The following MITF variants were observed in gnomAD, a reference collection of about 807,000 sequenced individuals.
The protein encoded by MITF is melanocyte inducing transcription factor.
MITF carries 17 observed loss-of-function variants against 60.5 expected under a neutral mutation model. That is an observed-to-expected ratio of 0.28 (90% CI 0.19 to 0.42). The LOEUF (loss-of-function observed/expected upper bound fraction) is 0.42, where lower values mean the gene tolerates loss of function less well. Among genes scored for constraint, MITF ranks in the 10% least tolerant of loss-of-function variants. The pLI is 1.00. For missense variants in MITF, 622 were observed against 683.5 expected (o/e 0.91, Z 1.00); for synonymous variants, 260 against 248.5 (o/e 1.05, Z -0.43).
intron 1 of MITF, among the ~76,000 whole-genome samples, chr3:69,825,188 A>G (rs1298449459): frequency 1.3e-5 from 2 of 152,172 alleles, no homozygotes; most frequent in Admixed American, 6.5e-5. Context: ...GGTCCCATCA[A>G]TAGTATTATG....
intron 7 of MITF, among the ~76,000 whole-genome samples, chr3:69,953,318 T>C (rs1474777655): frequency 6.6e-6 from 1 of 152,084 alleles, no homozygotes; most frequent in East Asian, 1.9e-4. Flanking sequence ...TCAAAAACAA[T>C]AGATACCTGT....
At chr3:69,826,026 T>A (rs2063348761) in intron 1 of MITF, among the ~76,000 whole-genome samples, 1 of 152,218 alleles carries the variant, frequency 6.6e-6, no homozygotes, top group African/African-American at 2.4e-5. Flanking sequence ...TGCAGGTGCA[T>A]CTTTTTAAAA....
At chr3:69,909,258 C>G (rs539970376) in intron 2 of MITF, among the ~76,000 whole-genome samples, 1 of 152,150 alleles carries the variant, frequency 6.6e-6, no homozygotes, top group South Asian at 2.1e-4. Flanking sequence ...CTTGCCACCA[C>G]CATATAAGTG....
chr3:69,848,951 A>G (rs1300889024), intron 1 of MITF, among the ~76,000 whole-genome samples: 1 of 139,058 alleles, frequency 7.2e-6, no homozygotes. Context: ...TTGGGCAAAG[A>G]TTCTTCTTTT....
chr3:69,853,861 G>A (rs572370916), intron 1 of MITF, among the ~76,000 whole-genome samples: 14 of 145,546 alleles, frequency 9.6e-5, no homozygotes, highest in African/African-American at 3.0e-4. Context: ...GATCTCTTTC[G>A]TCTTTTTTTT....
At chr3:69,900,767 G>A (rs950114354) in intron 2 of MITF, among the ~76,000 whole-genome samples, 2 of 152,150 alleles carry the variant, frequency 1.3e-5, no homozygotes, top group Non-Finnish European at 2.9e-5. Context: ...AATAAAGGAT[G>A]AGGAGCAATG....
At chr3:69,963,837 C>T (rs2066611706) in intron 9 of MITF, among the ~76,000 whole-genome samples, 1 of 152,156 alleles carries the variant, frequency 6.6e-6, no homozygotes, top group African/African-American at 2.4e-5. Flanking sequence ...TGCCATTGCC[C>T]TTGAAATGTT....
chr3:69,915,875 A>G (rs2065322960), intron 2 of MITF, among the ~76,000 whole-genome samples: 1 of 152,140 alleles, frequency 6.6e-6, no homozygotes, highest in Admixed American at 6.6e-5. Context: ...ACCTGAGTCC[A>G]GTGCAGAACA....
chr3:69,929,607 T>C (rs1177097368), intron 2 of MITF, among the ~76,000 whole-genome samples: 4 of 152,158 alleles, frequency 2.6e-5, no homozygotes, highest in East Asian at 1.9e-4. Context: ...TGTTTTTTTT[T>C]CTCAGAAATA....
At chr3:69,837,895 C>T (rs1221552018) in intron 1 of MITF, among the ~76,000 whole-genome samples, 1 of 152,176 alleles carries the variant, frequency 6.6e-6, no homozygotes, top group African/African-American at 2.4e-5. Context: ...CAAGACTCAT[C>T]AGTCCCCAAG....
At chr3:69,865,522 T>C (rs2064096590) in intron 1 of MITF, among the ~76,000 whole-genome samples, 1 of 152,240 alleles carries the variant, frequency 6.6e-6, no homozygotes, top group African/African-American at 2.4e-5. Flanking sequence ...TTTTTCTTCT[T>C]GTATACCAAT....
intron 7 of MITF, among the ~76,000 whole-genome samples, chr3:69,953,993 G>C (rs1010222822): frequency 6.6e-6 from 1 of 152,018 alleles, no homozygotes; most frequent in Non-Finnish European, 1.5e-5. Flanking sequence ...ATTTGCCCAG[G>C]CATATAGATG....
At position 69,878,874 on chromosome 3, in the gene MITF, T is replaced by TA. The variant is rs959428579; in HGVS notation, c.105-247dup. ...GATGAGTAGTGTGCAGCATAAAATG[T>TA]AAAAAAAAAAAAATTAAAAAAATTA... is the stretch of plus-strand genomic sequence containing the variant. On this transcript the variant is annotated intron_variant, in intron 1 of 9. Coordinates refer to ENST00000352241, the MANE Select transcript of MITF (RefSeq NM_001354604.2). Among the ~76,000 whole-genome samples the TA allele has an allele frequency of 8.4e-3, 1,208 of 143,224 alleles. 16 individuals are homozygous for TA. Among genetic ancestry groups the TA allele is most frequent in the African/African-American group, 0.026 (1,010 of 39,288 alleles). The allele number at this position is 143,224 out of a possible 152,430, so 94.0% of individuals were successfully genotyped here.
intron 2 of MITF, among the ~76,000 whole-genome samples, chr3:69,934,975 T>G (rs2065800621): frequency 1.3e-5 from 2 of 152,148 alleles, no homozygotes; most frequent in South Asian, 4.1e-4. Flanking sequence ...TTTGGAGATT[T>G]TGAGCTAGGC....
chr3:69,857,143 T>A (rs1157635000), intron 1 of MITF, among the ~76,000 whole-genome samples: 2 of 152,098 alleles, frequency 1.3e-5, no homozygotes, highest in African/African-American at 2.4e-5. Context: ...GAATTCAGAA[T>A]CTAGTGTGGG....
chr3:69,943,843 T>G (rs115434513), intron 5 of MITF, among the ~76,000 whole-genome samples: 17 of 152,076 alleles, frequency 1.1e-4, no homozygotes, highest in African/African-American at 4.1e-4. Context: ...GTAATCCTAG[T>G]ACTTTGGGAG....
At chr3:69,781,256 C>A (rs2062559302) in intron 1 of MITF, among the ~76,000 whole-genome samples, 1 of 152,010 alleles carries the variant, frequency 6.6e-6, no homozygotes, top group African/African-American at 2.4e-5. Flanking sequence ...AAATACGTGA[C>A]CAGGTTGTTA....
chr3:69,872,339 T>TA (rs1161719434), intron 1 of MITF, among the ~76,000 whole-genome samples: 1 of 151,990 alleles, frequency 6.6e-6, no homozygotes, highest in African/African-American at 2.4e-5. Flanking sequence ...ATAACCAACT[T>TA]AAAAAAAATC....
At chr3:69,944,731 G>A (rs183023668) in intron 5 of MITF, among the ~76,000 whole-genome samples, 1 of 152,118 alleles carries the variant, frequency 6.6e-6, no homozygotes, top group Admixed American at 6.6e-5. Flanking sequence ...TACTGCAATA[G>A]AATTAATGGG....
Sources: allele counts gnomAD v4.1 joint callset (sites outside exome capture counted in the v4.1 genomes callset), GRCh38; gene constraint gnomAD v4.1.1; transcripts MANE v1.5; gene names NCBI Gene and HGNC (gene_info 2026-07-23, HGNC 2026-07-21).